RMDN2: variants seen among roughly 807,000 people sequenced by gnomAD.
RMDN2 encodes regulator of microtubule dynamics 2, also known as regulator of microtubule dynamics protein 2.
Under a neutral mutation model 52.8 loss-of-function variants are expected in RMDN2, and 61 were observed. The ratio of observed to expected loss-of-function variants is 1.16; its 90% confidence interval spans 0.94 to 1.43. RMDN2 has a LOEUF of 1.43. RMDN2 is among the 40% of genes most tolerant of loss of function. The pLI is 0.00. For synonymous variants in RMDN2, 180 were observed against 153.1 expected (o/e 1.18, Z -1.30); for missense variants, 592 against 475.3 (o/e 1.25, Z -2.28).
intron 8 of RMDN2, among the ~76,000 whole-genome samples, chr2:37,999,843 T>C (rs1158892654): frequency 6.6e-6 from 1 of 152,046 alleles, no homozygotes; most frequent in Non-Finnish European, 1.5e-5. Context: ...AACACTAGGT[T>C]TGGAGTTGAC....
At chr2:37,937,605 T>A (rs879926310) in intron 2 of RMDN2, among the ~76,000 whole-genome samples, 34 of 152,184 alleles carry the variant, frequency 2.2e-4, no homozygotes, top group Admixed American at 2.1e-3. Context: ...CTTGAAGAGG[T>A]CCTTCACATC....
chr2:37,957,802 C>T (rs1409563957), intron 2 of RMDN2, among the ~76,000 whole-genome samples: 1 of 152,166 alleles, frequency 6.6e-6, no homozygotes, highest in Admixed American at 6.5e-5. Context: ...GTCTTTGATC[C>T]TTCTTGAGTT....
At chr2:38,020,624 C>T (rs1679281630), downstream of RMDN2, among the ~76,000 whole-genome samples, 2 of 152,208 alleles carry the variant, frequency 1.3e-5, no homozygotes, top group Non-Finnish European at 2.9e-5. Context: ...CCGGCCCTGC[C>T]GGCCCAGGCA....
intron 10 of RMDN2, among the ~76,000 whole-genome samples, chr2:38,044,893 A>G (rs1018126540): frequency 1.3e-5 from 2 of 152,116 alleles, no homozygotes; most frequent in East Asian, 3.8e-4. Context: ...TAAAACCCTA[A>G]TCCTAGTATA....
At position 38,046,647 on chromosome 2, in the gene RMDN2, A is replaced by T. The variant is rs373992930; in HGVS notation, c.1714-20335A>T. On this transcript the variant is annotated intron_variant, in intron 10 of 10. Coordinates refer to the RMDN2 transcript ENST00000234195. ...GCAACAAGAGAAAAAAAGACTTCTT[A>T]TATTCAGAAGAAAAATAATTAATAG... 8.3e-4 allele frequency among the ~76,000 whole-genome samples: 126 copies of T among 152,330 alleles called. 1 individual carries two copies. In the South Asian group the frequency reaches 0.022, roughly 27 times the overall value.
intron 2 of RMDN2, among the ~76,000 whole-genome samples, chr2:37,939,322 A>G (rs1226954141): frequency 6.6e-6 from 1 of 152,070 alleles, no homozygotes; most frequent in East Asian, 1.9e-4. Context: ...TATGTGGTTG[A>G]TTTTGGAATA....
intron 10 of RMDN2, among the ~76,000 whole-genome samples, chr2:38,012,877 GTTTC>G (rs1482561747): frequency 6.6e-6 from 1 of 152,168 alleles, no homozygotes; most frequent in Non-Finnish European, 1.5e-5. Flanking sequence ...TAAGATGTTT[GTTTC>G]TTTCTTGTGG....
At chr2:37,947,563 A>G (rs1402652418) in intron 2 of RMDN2, among the ~76,000 whole-genome samples, 8 of 152,154 alleles carry the variant, frequency 5.3e-5, no homozygotes, top group Admixed American at 5.2e-4. Context: ...AATGAAAGGA[A>G]ATACAACAGT....
chr2:37,990,759 A>G (rs1300790193), intron 6 of RMDN2, among the ~76,000 whole-genome samples: 1 of 152,152 alleles, frequency 6.6e-6, no homozygotes, highest in East Asian at 1.9e-4. Flanking sequence ...ATAATTACAG[A>G]GATGAATAAA....
chr2:37,989,777 T>C (rs1674515519), intron 6 of RMDN2, among the ~76,000 whole-genome samples, 161 bp downstream of exon 6: 1 of 152,192 alleles, frequency 6.6e-6, no homozygotes, highest in South Asian at 2.1e-4. Flanking sequence ...TTTGTTTAAA[T>C]GTTAGAAAAT....
chr2:37,933,350 C>T (rs1433842610), intron 2 of RMDN2, among the ~76,000 whole-genome samples: 2 of 152,218 alleles, frequency 1.3e-5, no homozygotes, highest in East Asian at 3.9e-4. Context: ...CGGAGACGCT[C>T]CTCACTTCCC....
intron 10 of RMDN2, among the ~76,000 whole-genome samples, chr2:38,010,125 G>A (rs1012795871): frequency 8.5e-5 from 13 of 152,140 alleles, no homozygotes; most frequent in African/African-American, 3.1e-4. Context: ...GCCCTTGCTG[G>A]GTGGTGCCTC....
At chr2:38,031,609 G>A (rs116031709) in intron 10 of RMDN2, among the ~76,000 whole-genome samples, 3 of 152,276 alleles carry the variant, frequency 2.0e-5, no homozygotes, top group African/African-American at 7.2e-5. Flanking sequence ...GAACTGGCCA[G>A]AGAAATCTGT....
chr2:37,974,383 G>T (rs1271194261), intron 3 of RMDN2, among the ~76,000 whole-genome samples, 169 bp downstream of exon 3: 3 of 151,264 alleles, frequency 2.0e-5, no homozygotes, highest in Non-Finnish European at 4.4e-5. Context: ...TTTTATTTAA[G>T]ATGCATAAAA....
At chr2:38,029,371 C>CA (rs1209148999) in intron 10 of RMDN2, 2 of 152,120 alleles carry the variant, frequency 1.3e-5, no homozygotes, top group African/African-American at 4.8e-5. Context: ...GAAGTTTTGC[C>CA]ACAAAACCTT....
chr2:37,944,036 G>A, intron 2 of RMDN2, among the ~76,000 whole-genome samples: 1 of 152,120 alleles, frequency 6.6e-6, no homozygotes, highest in Non-Finnish European at 1.5e-5. Context: ...ATTTAGGCTT[G>A]TCATTTTGTT....
chr2:37,935,689 C>G (rs1181650271), intron 2 of RMDN2, among the ~76,000 whole-genome samples: 5 of 152,060 alleles, frequency 3.3e-5, no homozygotes, highest in African/African-American at 4.8e-5. Flanking sequence ...CATAAATGGT[C>G]TTTTCTTCTT....
intron 10 of RMDN2, among the ~76,000 whole-genome samples, chr2:38,015,518 T>C (rs1449880290): frequency 6.6e-6 from 1 of 150,850 alleles, no homozygotes; most frequent in African/African-American, 2.4e-5. Context: ...TAGGCGGAGA[T>C]TGCGCCACTG....
chr2:37,960,887 G>T (rs187989037), intron 2 of RMDN2, among the ~76,000 whole-genome samples: 6 of 152,292 alleles, frequency 3.9e-5, no homozygotes, highest in Admixed American at 3.3e-4. Flanking sequence ...CAGGCCTGGT[G>T]GTTACCAAAT....
Sources: allele counts gnomAD v4.1 joint callset (sites outside exome capture counted in the v4.1 genomes callset), GRCh38; gene constraint gnomAD v4.1.1; transcripts MANE v1.5; gene names NCBI Gene and HGNC (gene_info 2026-07-23, HGNC 2026-07-21).